Variants in METAP1D observed in about 807,000 individuals in gnomAD.
METAP1D encodes methionyl aminopeptidase type 1D, mitochondrial.
METAP1D carries 31 observed loss-of-function variants against 40.5 expected under a neutral mutation model. The observed-to-expected ratio is 0.77, with a 90% confidence interval of 0.58 to 1.03. The LOEUF (loss-of-function observed/expected upper bound fraction) is 1.03, where lower values mean the gene tolerates loss of function less well. METAP1D is among the 50% of genes least tolerant of loss of function. The pLI is 0.00. For missense variants in METAP1D, 411 were observed against 420.7 expected (o/e 0.98, Z 0.20); for synonymous variants, 151 against 146.4 (o/e 1.03, Z -0.22).
At chr2:172,033,910 A>T (rs187924796) in intron 1 of METAP1D, among the ~76,000 whole-genome samples, 103 of 151,616 alleles carry the variant, frequency 6.8e-4, no homozygotes, top group African/African-American at 2.4e-3. Context: ...ACCCTGTCTC[A>T]ACTAAAAATA....
chr2:172,049,291 T>C (rs1479468902), intron 1 of METAP1D, among the ~76,000 whole-genome samples: 1 of 151,670 alleles, frequency 6.6e-6, no homozygotes, highest in Non-Finnish European at 1.5e-5. Flanking sequence ...TTTTAATCTT[T>C]AGTACAAAAA....
chr2:172,043,114 TA>T (rs1310278080), intron 1 of METAP1D, among the ~76,000 whole-genome samples: 30,584 of 48,286 alleles, frequency 0.63, 9,093 homozygotes, highest in Non-Finnish European at 0.74. Flanking sequence ...TATATATATA[TA>T]TATTTTTTGG....
chr2:172,042,662 TAC>T lies in METAP1D; in HGVS notation c.41-18832_41-18831del, dbSNP rs1689605586. 6.6e-5 allele frequency among the ~76,000 whole-genome samples: 2 copies of T among 30,266 alleles called. 1 individual carries two copies. The highest frequency in any genetic ancestry group is 1.9e-4 in the African/African-American group (2 of 10,434). The allele number at this position is 30,266 out of a possible 152,430, so 19.9% of individuals were successfully genotyped here. On this transcript the variant is annotated intron_variant, in intron 1 of 9. Transcript: ENST00000315796. ...ACATATGTGTGTATGTGTATATGTG[TAC>T]ACATATACGTGTGTATGTGTATATG...
At chr2:172,048,808 T>C (rs1463033659) in intron 1 of METAP1D, among the ~76,000 whole-genome samples, 1 of 152,204 alleles carries the variant, frequency 6.6e-6, no homozygotes. Flanking sequence ...TTAAAAACTT[T>C]AAATATGAGA....
intron 1 of METAP1D, among the ~76,000 whole-genome samples, chr2:172,005,538 A>C (rs1327856727): frequency 2.8e-4 from 33 of 117,316 alleles, no homozygotes; most frequent in Non-Finnish European, 4.9e-4. Context: ...ATATATATAT[A>C]TATATATCTT....
intron 1 of METAP1D, among the ~76,000 whole-genome samples, chr2:172,020,566 CT>C (rs1438109405): frequency 6.6e-6 from 1 of 152,184 alleles, no homozygotes; most frequent in African/African-American, 2.4e-5. Flanking sequence ...AGTTCTAAAA[CT>C]ATTGAGGGCT....
chr2:172,027,090 C>T (rs1689134914), intron 1 of METAP1D, among the ~76,000 whole-genome samples: 1 of 152,182 alleles, frequency 6.6e-6, no homozygotes, highest in Admixed American at 6.5e-5. Flanking sequence ...TGAATGGAAT[C>T]ATTCCTTTAT....
Position 172,060,497 on chromosome 2 carries a change from T to C in METAP1D, c.41-1001T>C, listed in dbSNP as rs10175648. Among the ~76,000 whole-genome samples the C allele has an allele frequency of 1.6e-3, 241 of 150,904 alleles. 1 individual carries two copies. The highest frequency in any genetic ancestry group is 5.4e-3 in the African/African-American group (222 of 41,092). On this transcript the variant is annotated intron_variant, in intron 1 of 9. Transcript: ENST00000315796. ...CACAGAAAGAGCCACTGTTTACAAA[T>C]ATCAATTTCCAGAAATTTTATGAGC...
intron 1 of METAP1D, among the ~76,000 whole-genome samples, chr2:172,060,662 A>G (rs1690119550): frequency 6.6e-6 from 1 of 152,170 alleles, no homozygotes; most frequent in Non-Finnish European, 1.5e-5. Context: ...GATTTAGCCT[A>G]TTCTTTTTAA....
intron 1 of METAP1D, among the ~76,000 whole-genome samples, chr2:172,053,075 G>T (rs1689920547): frequency 6.6e-6 from 1 of 152,204 alleles, no homozygotes; most frequent in African/African-American, 2.4e-5. Context: ...ATCAATAAAA[G>T]AGTTATATCA....
chr2:172,078,209 A>G (rs1309171632), intron 7 of METAP1D, among the ~76,000 whole-genome samples: 3 of 152,244 alleles, frequency 2.0e-5, no homozygotes, highest in Admixed American at 6.5e-5. Context: ...ACGCCACTGC[A>G]TCAGTGTCCC....
chr2:172,070,772 T>C (rs892900114), intron 5 of METAP1D, 135 bp from the exon 6 acceptor site: 1 of 691,156 alleles, frequency 1.4e-6, no homozygotes, highest in African/African-American at 1.9e-5. Flanking sequence ...TATTTCTTCT[T>C]TTTTTGATAG....
At chr2:172,009,365 T>G (rs992928685) in intron 1 of METAP1D, among the ~76,000 whole-genome samples, 6 of 152,162 alleles carry the variant, frequency 3.9e-5, no homozygotes, top group Admixed American at 6.5e-5. Context: ...TTTAATATTT[T>G]TAGACCTTGA....
chr2:172,018,143 AAAAAG>A (rs1688922379), intron 1 of METAP1D, among the ~76,000 whole-genome samples: 1 of 151,490 alleles, frequency 6.6e-6, no homozygotes, highest in African/African-American at 2.4e-5. Context: ...AAAAAAAAAA[AAAAAG>A]GAAATTGCAA....
chr2:172,029,793 T>C, intron 1 of METAP1D, among the ~76,000 whole-genome samples: 1 of 152,216 alleles, frequency 6.6e-6, no homozygotes, highest in East Asian at 1.9e-4. Flanking sequence ...CTCACTCTGT[T>C]GCCCAGGCTA....
In METAP1D at chr2:172,045,807, G is replaced by GTATATGTATATA. The variant is rs1689736626; in HGVS notation, c.41-15690_41-15689insATATGTATATAT. Among the ~76,000 whole-genome samples the GTATATGTATATA allele has an allele frequency of 5.7e-5, 3 of 52,864 alleles. No individual in the cohort carries two copies. In the South Asian group the frequency reaches 2.7e-3, roughly 48 times the overall value. 34.7% of individuals were successfully genotyped at this position (52,864 alleles called of 152,430 possible). On this transcript the variant is annotated intron_variant, in intron 1 of 9. Transcript: ENST00000315796. ...TATGTATATGTATATATGTGTGTGTGTGTGTGTGTGTGTATATATATATAT... is the reference window on the plus strand; with the variant it reads ...TATGTATATGTATATATGTGTGTGTGTATATGTATATATGTGTGTGTGTGTATATATATATAT...
chr2:172,055,874 C>T (rs1185295452), intron 1 of METAP1D, among the ~76,000 whole-genome samples: 1 of 152,166 alleles, frequency 6.6e-6, no homozygotes. Context: ...ACCATCCAGT[C>T]ATGTGTGGGT....
At chr2:172,034,027 A>T (rs1689309828) in intron 1 of METAP1D, among the ~76,000 whole-genome samples, 1 of 146,848 alleles carries the variant, frequency 6.8e-6, no homozygotes. Context: ...CGGCGAGTGG[A>T]GATCATGCCA....
At chr2:172,022,580 T>C (rs374769733) in intron 1 of METAP1D, among the ~76,000 whole-genome samples, 2 of 152,278 alleles carry the variant, frequency 1.3e-5, no homozygotes, top group East Asian at 3.9e-4. Flanking sequence ...TTTGCTTGCA[T>C]AAGTAAAAAA....
Sources: gnomAD v4.1 joint callset for allele counts (sites outside exome capture counted in the v4.1 genomes callset) on GRCh38, gnomAD v4.1.1 for gene constraint, MANE v1.5 for transcripts, NCBI Gene and HGNC (gene_info 2026-07-23, HGNC 2026-07-21) for gene names.